Variants in CCDC89 observed in about 807,000 individuals in gnomAD.
CCDC89 encodes coiled-coil domain containing 89, also known as coiled-coil domain-containing protein 89.
A neutral mutation model predicts 29.3 loss-of-function variants in CCDC89; 28 were observed. That is an observed-to-expected ratio of 0.96 (90% CI 0.71 to 1.31). The LOEUF (loss-of-function observed/expected upper bound fraction) is 1.31, where lower values mean the gene tolerates loss of function less well. Ranked by LOEUF, CCDC89 falls within the 50% of genes most tolerant of loss-of-function variation. CCDC89 has a pLI of 0.00. For missense variants in CCDC89, 484 were observed against 442.3 expected (o/e 1.09, Z -0.85); for synonymous variants, 191 against 179.7 (o/e 1.06, Z -0.51).
chr11:85,684,642 C>T lies in CCDC89; in HGVS notation c.*364G>A, dbSNP rs2083003698. 6.6e-6 allele frequency among the ~76,000 whole-genome samples: 1 copy of T among 152,168 alleles called. No homozygotes were observed. Among genetic ancestry groups the T allele is most frequent in the African/African-American group, 2.4e-5 (1 of 41,444 alleles). ...TTGTGCTAATTATTTTTCACAATGG[C>T]ACATCTCACTGCACTTAGATTGACT... On this transcript the variant is annotated 3_prime_UTR_variant, in exon 1 of 1. Transcript: ENST00000316398.
In CCDC89 at chr11:85,685,582, A is replaced by C. The variant is rs748928922; in HGVS notation, c.549T>G (p.Cys183Trp). Residue 183 changes from cysteine (C) to tryptophan (W), a missense_variant, in exon 1 of 1, where the codon TGT (cysteine) becomes TGG (tryptophan). Transcript: ENST00000316398. ...TTTCTAGCTCCCCAGTGAGGGCCTC[A>C]CACCGGACTGTGAGCTGTAATACTT... Reference protein sequence around the residue: ...EAKVLQLTVRCEALTGELETL... With the variant: ...EAKVLQLTVRWEALTGELETL... 7.4e-6 allele frequency: 12 copies of C among 1,614,130 alleles called. No individual in the cohort carries two copies. The South Asian group carries it at 1.2e-4, about 16-fold the overall frequency.
chr11:85,685,385 T>C lies in CCDC89; in HGVS notation c.746A>G (p.Lys249Arg), dbSNP rs1033079166. ...QHQQAVEQIA[K>R]AEETHSSLSQ... ...CAGGCTGCTGTGTGTCTCCTCTGCC[T>C]TAGCTATCTGCTCCACAGCCTGCTG... Residue 249 changes from lysine (K) to arginine (R), a missense_variant, in exon 1 of 1, where the codon AAG (lysine) becomes AGG (arginine). Physicochemically the swap from Lys to Arg is conservative, Grantham distance 26. Coordinates refer to ENST00000316398, the MANE Select transcript of CCDC89 (RefSeq NM_152723.3). The C allele has an allele frequency of 3.7e-6, 6 of 1,611,064 alleles. No individual in the cohort carries two copies. In the African/African-American group the frequency reaches 6.7e-5, roughly 18 times the overall value.
chr11:85,684,218 G>A lies in CCDC89; in HGVS notation c.*788C>T, dbSNP rs1343514825. ...CTAATAGAAACAAAACAATTTCTGAGTTACTCTATAGATCACGTCTGCTAT... is the reference window on the plus strand; with the variant it reads ...CTAATAGAAACAAAACAATTTCTGAATTACTCTATAGATCACGTCTGCTAT... On this transcript the variant is annotated 3_prime_UTR_variant, in exon 1 of 1. Coordinates refer to ENST00000316398, the MANE Select transcript of CCDC89 (RefSeq NM_152723.3). Among the ~76,000 whole-genome samples, 2 of 152,046 alleles carry A rather than the reference G, an allele frequency of 1.3e-5. No individual in the cohort carries two copies. Among genetic ancestry groups the A allele is most frequent in the Non-Finnish European group, 1.5e-5 (1 of 67,994 alleles).
rs1477959274 is a variant in CCDC89, at chr11:85,685,229, T to TC, written c.901dup (p.Glu301GlyfsTer5). ...ATGCTTCCTGTCTTCATTTGCTATC[T>TC]CCAACTTTTCCTCAAGCTGGCAGAT... On this transcript the variant is annotated frameshift_variant, in exon 1 of 1. Coordinates refer to ENST00000316398, the MANE Select transcript of CCDC89 (RefSeq NM_152723.3). LOFTEE classifies it high-confidence loss of function. 6.2e-7 allele frequency: 1 copy of TC among 1,613,552 alleles called. No individual in the cohort carries two copies. Among genetic ancestry groups the TC allele is most frequent in the South Asian group, 1.1e-5 (1 of 91,090 alleles).
Position 85,686,033 on chromosome 11 carries a change from T to A in CCDC89, c.98A>T (p.Gln33Leu), listed in dbSNP as rs958443682. 6.2e-7 allele frequency: 1 copy of A among 1,614,204 alleles called. No individual in the cohort carries two copies. Among genetic ancestry groups the A allele is most frequent in the Non-Finnish European group, 8.5e-7 (1 of 1,180,038 alleles). The stretch of plus-strand genomic sequence containing the variant: ...TTCCTTAAACTCCGTCTCCTCTTCC[T>A]GGTTGTTCAGTTTTTCATTTTGCTT... Reference protein sequence around the residue: ...LEKQNEKLNNQEEETEFKELD... With the variant: ...LEKQNEKLNNLEEETEFKELD... The change falls in exon 1 of 1, where the codon CAG becomes CTG. Residue 33 changes from glutamine (Q) to leucine (L), a missense_variant. By Grantham distance (113) the Gln-to-Leu change is moderately radical (BLOSUM62 -2). Transcript: ENST00000316398.
Position 85,685,653 on chromosome 11 carries a change from C to T in CCDC89, c.478G>A (p.Glu160Lys). ...LREENEKLRL[E>K]NSSLFSQALK... ...GCCTGGCTGAAGAGGCTGCTATTCT[C>T]CAGCCTCAGCTTCTCATTCTCCTCC... Residue 160 changes from glutamate (E) to lysine (K), a missense_variant, in exon 1 of 1, where the codon GAG (glutamate) becomes AAG (lysine). Glu to Lys is a moderately conservative substitution (Grantham distance 56). Transcript: ENST00000316398. The T allele has an allele frequency of 1.2e-6, 2 of 1,614,146 alleles. No homozygotes were observed. The highest frequency in any genetic ancestry group is 3.3e-5 in the Admixed American group (2 of 60,026).
At position 85,685,983 on chromosome 11, in the gene CCDC89, C is replaced by T; in HGVS notation, c.148G>A (p.Ala50Thr). Residue 50 changes from alanine (A) to threonine (T), a missense_variant, in exon 1 of 1, where the codon GCA becomes ACA. Physicochemically the swap from Ala to Thr is moderately conservative, Grantham distance 58 (BLOSUM62 0). Coordinates refer to ENST00000316398, the MANE Select transcript of CCDC89 (RefSeq NM_152723.3). ...TCCTCTGACAGTCCCCGGAGGTTTGCCAAGGCTTCCCTCAGACCGTCCAGT... is the reference window on the plus strand; with the variant it reads ...TCCTCTGACAGTCCCCGGAGGTTTGTCAAGGCTTCCCTCAGACCGTCCAGT... ...KELDGLREAL[A>T]NLRGLSEEER... is the part of the protein sequence containing the mutation. 1 of 1,614,188 alleles carries T rather than the reference C, an allele frequency of 6.2e-7. No individual in the cohort carries two copies. Among genetic ancestry groups the T allele is most frequent in the Non-Finnish European group, 8.5e-7 (1 of 1,180,034 alleles).
chr11:85,685,582 A>T lies in CCDC89; in HGVS notation c.549T>A (p.Cys183Ter), dbSNP rs748928922. 1 of 1,614,130 alleles carries T rather than the reference A, an allele frequency of 6.2e-7. No individual in the cohort carries two copies. Among genetic ancestry groups the T allele is most frequent in the Non-Finnish European group, 8.5e-7 (1 of 1,180,036 alleles). The change falls in exon 1 of 1, where the codon TGT (cysteine) becomes TGA (stop). Residue 183 changes from cysteine (C) to a stop codon, truncating the protein, a stop_gained. Transcript: ENST00000316398. LOFTEE classifies it high-confidence loss of function. ...TTTCTAGCTCCCCAGTGAGGGCCTC[A>T]CACCGGACTGTGAGCTGTAATACTT... ...EAKVLQLTVR[C>*]EALTGELETL...
chr11:85,685,844 A>C lies in CCDC89; in HGVS notation c.287T>G (p.Leu96Arg). The C allele has an allele frequency of 6.2e-7, 1 of 1,614,118 alleles. No homozygotes were observed. The highest frequency in any genetic ancestry group is 8.5e-7 in the Non-Finnish European group (1 of 1,180,036). Residue 96 changes from leucine (L) to arginine (R), a missense_variant, in exon 1 of 1, where the codon CTG becomes CGG. By Grantham distance (102) the Leu-to-Arg change is moderately radical. Transcript: ENST00000316398. ...CTTCTCCTCCAGCTCTGCATTGAGC[A>C]GCTCTAGGATCTGGCAGCGCTCCAG... ...EALERCQILE[L>R]LNAELEEKMM...
chr11:85,685,975 G>T lies in CCDC89; in HGVS notation c.156C>A (p.Leu52=). 6.2e-7 allele frequency: 1 copy of T among 1,614,164 alleles called. No individual in the cohort carries two copies. Among genetic ancestry groups the T allele is most frequent in the Non-Finnish European group, 8.5e-7 (1 of 1,180,020 alleles). ...LDGLREALAN[L]RGLSEEERSE... ...TCCTCTCCTCCTCTGACAGTCCCCG[G>T]AGGTTTGCCAAGGCTTCCCTCAGAC... The change falls in exon 1 of 1, where the codon CTC becomes CTA. Residue 52 remains leucine (L), a synonymous_variant. Transcript: ENST00000316398.
Position 85,685,457 on chromosome 11 carries a change from T to C in CCDC89, c.674A>G (p.Glu225Gly). The change falls in exon 1 of 1, where the codon GAG (glutamate) becomes GGG (glycine). Residue 225 changes from glutamate to glycine, a missense_variant. Glu to Gly is a moderately conservative substitution (Grantham distance 98). Coordinates refer to ENST00000316398, the MANE Select transcript of CCDC89 (RefSeq NM_152723.3). ...QSQQACTHTK[E>G]TEQLRSQLQT... The stretch of plus-strand genomic sequence containing the variant: ...CAGCTGGCTGCGCAGCTGTTCTGTC[T>C]CCTTGGTGTGGGTGCAGGCCTGCTG... 2 of 1,613,384 alleles carry C rather than the reference T, an allele frequency of 1.2e-6. No homozygotes were observed. Among genetic ancestry groups the C allele is most frequent in the Non-Finnish European group, 1.7e-6 (2 of 1,180,032 alleles).
In CCDC89 at chr11:85,685,211, C is replaced by A. The variant is rs757816918; in HGVS notation, c.920G>T (p.Arg307Met). The A allele has an allele frequency of 1.9e-6, 3 of 1,613,974 alleles. No homozygotes were observed. Among genetic ancestry groups the A allele is most frequent in the African/African-American group, 1.3e-5 (1 of 75,076 alleles). The change falls in exon 1 of 1, where the codon AGG (arginine) becomes ATG (methionine). Residue 307 changes from arginine (R) to methionine (M), a missense_variant. Physicochemically the swap from Arg to Met is moderately conservative, Grantham distance 91 (BLOSUM62 -1). Transcript: ENST00000316398. ...CTCAAACCGCTCCAGCGCATGCTTC[C>A]TGTCTTCATTTGCTATCTCCAACTT... Reference protein sequence around the residue: ...EEKLEIANEDRKHALERFEQE... With the variant: ...EEKLEIANEDMKHALERFEQE...
rs751637080 is a variant in CCDC89, at chr11:85,685,641, G to T, written c.490C>A (p.Leu164Ile). 5.6e-6 allele frequency: 9 copies of T among 1,614,012 alleles called. No homozygotes were observed. The Admixed American group carries it at 6.7e-5, about 12-fold the overall frequency. ...TCATCCTTCAGAGCCTGGCTGAAGAGGCTGCTATTCTCCAGCCTCAGCTTC... is the reference window on the plus strand; with the variant it reads ...TCATCCTTCAGAGCCTGGCTGAAGATGCTGCTATTCTCCAGCCTCAGCTTC... The part of the protein sequence containing the change: ...NEKLRLENSS[L>I]FSQALKDEEA... The change falls in exon 1 of 1, where the codon CTC (leucine) becomes ATC (isoleucine). Residue 164 changes from leucine (L) to isoleucine (I), a missense_variant. Physicochemically the swap from Leu to Ile is conservative, Grantham distance 5. Coordinates refer to ENST00000316398, the MANE Select transcript of CCDC89 (RefSeq NM_152723.3).
In CCDC89 at chr11:85,685,050, T is replaced by G. The variant is rs1388547715; in HGVS notation, c.1081A>C (p.Lys361Gln). The change falls in exon 1 of 1, where the codon AAG becomes CAG. Residue 361 changes from lysine to glutamine, a missense_variant. Physicochemically the swap from Lys to Gln is moderately conservative, Grantham distance 53. Coordinates refer to ENST00000316398, the MANE Select transcript of CCDC89 (RefSeq NM_152723.3). The stretch of plus-strand genomic sequence containing the variant: ...AGTTTGCCATTGAGTTCTCTCTCCT[T>G]GCTTAAAAGATCCAAGCTGTGCTTT... ...FKKHSLDLLS[K>Q]ERELNGKLRH... 6.2e-7 allele frequency: 1 copy of G among 1,614,162 alleles called. No homozygotes were observed. Among genetic ancestry groups the G allele is most frequent in the Non-Finnish European group, 8.5e-7 (1 of 1,180,004 alleles).
Position 85,684,879 on chromosome 11 carries a change from GCTTTT to G in CCDC89, c.*122_*126del, listed in dbSNP as rs2083004905. On this transcript the variant is annotated 3_prime_UTR_variant, in exon 1 of 1. Coordinates refer to ENST00000316398, the MANE Select transcript of CCDC89 (RefSeq NM_152723.3). ...ATAACAACAATATCATAGTAAAGTA[GCTTTT>G]CTTTGAGTTGCCTTTTGTGCTTGAA... 1 of 952,246 alleles carries G rather than the reference GCTTTT, an allele frequency of 1.1e-6. No homozygotes were observed. Among genetic ancestry groups the G allele is most frequent in the Admixed American group, 2.9e-5 (1 of 33,900 alleles). 59.0% of individuals were successfully genotyped at this position (952,246 alleles called of 1,614,324 possible).
In CCDC89 at chr11:85,684,167, G is replaced by C. The variant is rs1031536881; in HGVS notation, c.*839C>G. Among the ~76,000 whole-genome samples, 3 of 151,966 alleles carry C rather than the reference G, an allele frequency of 2.0e-5. No individual in the cohort carries two copies. The highest frequency in any genetic ancestry group is 4.4e-5 in the Non-Finnish European group (3 of 67,966). ...GTTCAGCTTAGATTTTTTTAAAAAA[G>C]GAAAATCTTAATTACAAAAAATATG... On this transcript the variant is annotated 3_prime_UTR_variant, in exon 1 of 1. Transcript: ENST00000316398.
chr11:85,685,127 T>C lies in CCDC89; in HGVS notation c.1004A>G (p.Asp335Gly), dbSNP rs372772132. 1.2e-6 allele frequency: 2 copies of C among 1,614,078 alleles called. No individual in the cohort carries two copies. Among genetic ancestry groups the C allele is most frequent in the Non-Finnish European group, 1.7e-6 (2 of 1,180,040 alleles). The change falls in exon 1 of 1, where the codon GAT becomes GGT. Residue 335 changes from aspartate to glycine, a missense_variant. Physicochemically the swap from Asp to Gly is moderately conservative, Grantham distance 94 (BLOSUM62 -1). Transcript: ENST00000316398. ...TTCATCGTAGGCCTTCTGGATCCCA[T>C]CTACTTTGCGCTGAAGCTCCCTGAC... The part of the protein sequence containing the change: ...LRVRELQRKV[D>G]GIQKAYDELR...
Position 85,685,275 on chromosome 11 carries a change from G to T in CCDC89, c.856C>A (p.Leu286Ile). 1 of 1,610,406 alleles carries T rather than the reference G, an allele frequency of 6.2e-7. No homozygotes were observed. Among genetic ancestry groups the T allele is most frequent in the Non-Finnish European group, 8.5e-7 (1 of 1,180,028 alleles). ...CAGATCTCTGCCTGTTTGTTCTGAA[G>T]CACTTTGCCCCTTTCAATGGACAGC... The part of the protein sequence containing the change: ...LQLSIERGKV[L>I]QNKQAEICQL... The change falls in exon 1 of 1, where the codon CTT becomes ATT. Residue 286 changes from leucine to isoleucine, a missense_variant. Transcript: ENST00000316398.
rs747225687 is a variant in CCDC89 at position 85,686,029 on chromosome 11, T to C, written c.102A>G (p.Glu34=). The C allele has an allele frequency of 4.3e-6, 7 of 1,614,220 alleles. No homozygotes were observed. The highest frequency in any genetic ancestry group is 5.9e-6 in the Non-Finnish European group (7 of 1,180,038). ...CCAGTTCCTTAAACTCCGTCTCCTC[T>C]TCCTGGTTGTTCAGTTTTTCATTTT... is the stretch of plus-strand genomic sequence containing the variant. ...EKQNEKLNNQ[E]EETEFKELDG... The change falls in exon 1 of 1, where the codon GAA becomes GAG. Residue 34 remains glutamate (E), a synonymous_variant. Transcript: ENST00000316398.
Sources: allele counts gnomAD v4.1 joint callset (sites outside exome capture counted in the v4.1 genomes callset), GRCh38; gene constraint gnomAD v4.1.1; transcripts MANE v1.5; gene names NCBI Gene and HGNC (gene_info 2026-07-23, HGNC 2026-07-21).